Variants in IKBKB-DT observed in about 807,000 individuals in gnomAD.
IKBKB-DT encodes the protein IKBKB divergent transcript.
chr8:42,242,313 T>C (rs142397406), intron 3 of IKBKB-DT, among the ~76,000 whole-genome samples: 1 of 152,314 alleles, frequency 6.6e-6, no homozygotes, highest in African/African-American at 2.4e-5. Flanking sequence ...GGGATAAAGA[T>C]TCCTAGCATT....
intron 3 of IKBKB-DT, among the ~76,000 whole-genome samples, chr8:42,245,098 A>T (rs1807046456): frequency 6.6e-6 from 1 of 151,812 alleles, no homozygotes. Context: ...AATACAAAAA[A>T]AAAAAAATTA....
At position 42,260,875 on chromosome 8, in the gene IKBKB-DT, C is replaced by T. The variant is rs1807277697; in HGVS notation, n.1529+2454G>A. On this transcript the variant is annotated intron_variant and non_coding_transcript_variant, in intron 3 of 3. Transcript: ENST00000518213. ...CTTAAAACCAATGAGCCTTTTATGGCTTTGCCACAGAAATGAGATGCCTCT... is the reference window on the plus strand; with the variant it reads ...CTTAAAACCAATGAGCCTTTTATGGTTTTGCCACAGAAATGAGATGCCTCT... Among the ~76,000 whole-genome samples the T allele has an allele frequency of 2.0e-5, 3 of 152,052 alleles. No homozygotes were observed. The South Asian group carries it at 6.2e-4, about 32-fold the overall frequency.
intron 1 of IKBKB-DT, among the ~76,000 whole-genome samples, chr8:42,266,979 T>A (rs534741563): frequency 2.2e-4 from 33 of 151,732 alleles, no homozygotes; most frequent in African/African-American, 7.3e-4. Flanking sequence ...TTCCTTTACC[T>A]TCTTTTTTTG....
intron 3 of IKBKB-DT, among the ~76,000 whole-genome samples, chr8:42,259,913 C>T (rs113886882): frequency 0.034 from 5,030 of 147,832 alleles, 233 homozygotes; most frequent in African/African-American, 0.11. Flanking sequence ...ACCCCAGAGG[C>T]GGAGGTTGCA....
intron 3 of IKBKB-DT, among the ~76,000 whole-genome samples, chr8:42,249,921 A>T (rs903292423): frequency 7.6e-6 from 1 of 131,872 alleles, no homozygotes; most frequent in Non-Finnish European, 1.5e-5. Context: ...CACTAAAAAT[A>T]AAAAAAAAAA....
At chr8:42,257,059 A>G (rs900512339) in intron 3 of IKBKB-DT, among the ~76,000 whole-genome samples, 14 of 152,288 alleles carry the variant, frequency 9.2e-5, no homozygotes, top group Admixed American at 5.2e-4. Context: ...AACTAGAATT[A>G]TAACTGACAA....
chr8:42,249,015 A>T (rs753398275), intron 3 of IKBKB-DT: 1 of 152,144 alleles, frequency 6.6e-6, no homozygotes, highest in Non-Finnish European at 1.5e-5. Context: ...TTGAAAAGGG[A>T]TTCACTTTAT....
At chr8:42,237,234 C>T (rs974217321) in intron 3 of IKBKB-DT, among the ~76,000 whole-genome samples, 1 of 151,822 alleles carries the variant, frequency 6.6e-6, no homozygotes, top group African/African-American at 2.4e-5. Flanking sequence ...TTACAGGTGC[C>T]CATCACCATG....
intron 3 of IKBKB-DT, among the ~76,000 whole-genome samples, chr8:42,251,043 G>C (rs1807123150): frequency 8.6e-6 from 1 of 116,872 alleles, no homozygotes; most frequent in Non-Finnish European, 1.6e-5. Flanking sequence ...TCAGGAGCTC[G>C]AGACCAGCCT....
chr8:42,245,076 C>T (rs970477839), intron 3 of IKBKB-DT, among the ~76,000 whole-genome samples: 9 of 151,370 alleles, frequency 5.9e-5, no homozygotes, highest in Admixed American at 2.0e-4. Flanking sequence ...GGTGAAACCC[C>T]GTCTCTACTA....
intron 1 of IKBKB-DT, among the ~76,000 whole-genome samples, chr8:42,267,600 G>T (rs1303893450): frequency 6.6e-6 from 1 of 152,118 alleles, no homozygotes; most frequent in East Asian, 1.9e-4. Context: ...GCTGAGCTAG[G>T]CACTCTGGCT....
At chr8:42,249,362 C>G (rs998692848) in intron 3 of IKBKB-DT, 2 of 151,518 alleles carry the variant, frequency 1.3e-5, no homozygotes, top group East Asian at 3.9e-4. Context: ...GAGCAGGCCC[C>G]TGTTTCAAAA....
At chr8:42,240,549 C>T (rs576741563) in intron 3 of IKBKB-DT, among the ~76,000 whole-genome samples, 11 of 136,898 alleles carry the variant, frequency 8.0e-5, no homozygotes, top group Non-Finnish European at 1.4e-4. Context: ...GGTGTGAACC[C>T]GGGAGGTAGA....
intron 3 of IKBKB-DT, among the ~76,000 whole-genome samples, chr8:42,253,236 A>T (rs56037622): frequency 0.054 from 8,191 of 152,310 alleles, 702 homozygotes; most frequent in African/African-American, 0.18. Context: ...ACCAATTTTC[A>T]ACCAGAAAAT....
At chr8:42,241,195 A>G (rs909146465) in intron 3 of IKBKB-DT, among the ~76,000 whole-genome samples, 2 of 143,526 alleles carry the variant, frequency 1.4e-5, no homozygotes, top group African/African-American at 5.2e-5. Flanking sequence ...TTTATTCCCA[A>G]CAGTTGATGC....
At chr8:42,258,910 GA>G (rs1159156907) in intron 3 of IKBKB-DT, among the ~76,000 whole-genome samples, 1 of 152,160 alleles carries the variant, frequency 6.6e-6, no homozygotes, top group Non-Finnish European at 1.5e-5. Context: ...GTTTTCACTA[GA>G]AATTAAGCAA....
At chr8:42,235,753 G>A (rs554825310) in intron 3 of IKBKB-DT, among the ~76,000 whole-genome samples, 36 of 152,260 alleles carry the variant, frequency 2.4e-4, no homozygotes, top group African/African-American at 6.3e-4. Flanking sequence ...CATGGCCAGC[G>A]TCATGTCAAT....
intron 3 of IKBKB-DT, among the ~76,000 whole-genome samples, chr8:42,239,171 C>T (rs1016325361): frequency 1.3e-5 from 2 of 152,062 alleles, no homozygotes; most frequent in Non-Finnish European, 2.9e-5. Context: ...TAGTCTAATG[C>T]CCCAAAAGTC....
intron 3 of IKBKB-DT, among the ~76,000 whole-genome samples, chr8:42,240,379 C>T (rs1343065469): frequency 6.6e-6 from 1 of 151,954 alleles, no homozygotes; most frequent in African/African-American, 2.4e-5. Context: ...AATCCCAGCA[C>T]TTTGGGAGGC....
Sources: gnomAD v4.1 joint callset for allele counts (sites outside exome capture counted in the v4.1 genomes callset) on GRCh38, gnomAD v4.1.1 for gene constraint, MANE v1.5 for transcripts, NCBI Gene and HGNC (gene_info 2026-07-23, HGNC 2026-07-21) for gene names.